FNDC3B: variants seen among roughly 807,000 people sequenced by gnomAD.
FNDC3B encodes fibronectin type III domain containing 3B.
A neutral mutation model predicts 151.5 loss-of-function variants in FNDC3B; 12 were observed. That is an observed-to-expected ratio of 0.08 (90% CI 0.05 to 0.13). The LOEUF is 0.13. FNDC3B is among the 10% of genes least tolerant of loss of function. The pLI is 1.00. For synonymous variants in FNDC3B, 528 were observed against 549.0 expected (o/e 0.96, Z 0.54); for missense variants, 1,214 against 1,505.3 (o/e 0.81, Z 3.20).
chr3:172,335,763 C>T (rs184965466), intron 15 of FNDC3B: 10 of 151,782 alleles, frequency 6.6e-5, no homozygotes, highest in Non-Finnish European at 1.0e-4. Context: ...AAGTGTTATG[C>T]GTATCATTTT....
Position 172,201,830 on chromosome 3 carries a change from A to AT in FNDC3B, c.188-25034dup, listed in dbSNP as rs556250828. On this transcript the variant is annotated intron_variant, in intron 3 of 25. Transcript: ENST00000415807. ...TAAAGTTGAATTTCAGATATACAGCATTTTTTTAGTGTAATTGTGTCCCAT... is the reference window on the plus strand; with the variant it reads ...TAAAGTTGAATTTCAGATATACAGCATTTTTTTTAGTGTAATTGTGTCCCAT... Among the ~76,000 whole-genome samples the AT allele has an allele frequency of 8.6e-4, 131 of 152,246 alleles. 1 individual carries two copies. The highest frequency in any genetic ancestry group is 1.7e-3 in the Non-Finnish European group (114 of 68,008).
intron 18 of FNDC3B, among the ~76,000 whole-genome samples, chr3:172,343,616 C>A (rs755332570): frequency 1.3e-5 from 2 of 152,178 alleles, no homozygotes; most frequent in African/African-American, 2.4e-5. Flanking sequence ...TTGTGTCCAG[C>A]AGTTTACAAC....
At chr3:172,317,387 T>C (rs1731855273) in intron 11 of FNDC3B, 1 of 280,490 alleles carries the variant, frequency 3.6e-6, no homozygotes, top group African/African-American at 2.3e-5. Context: ...GGTTTCACCA[T>C]GTTAGCCAGC....
intron 1 of FNDC3B, among the ~76,000 whole-genome samples, chr3:172,066,247 T>G (rs1020868161): frequency 6.6e-6 from 1 of 152,158 alleles, no homozygotes; most frequent in Non-Finnish European, 1.5e-5. Context: ...GAGGTGGGCC[T>G]GGGGAGATGA....
intron 6 of FNDC3B, among the ~76,000 whole-genome samples, chr3:172,259,527 G>A (rs1728534216): frequency 2.0e-5 from 3 of 152,148 alleles, no homozygotes; most frequent in Admixed American, 6.5e-5. Context: ...TTTCTGACTT[G>A]GGCCTTATCC....
chr3:172,199,517 A>T (rs1725030146), intron 3 of FNDC3B, among the ~76,000 whole-genome samples: 1 of 152,214 alleles, frequency 6.6e-6, no homozygotes, highest in Non-Finnish European at 1.5e-5. Context: ...GAACTTACCA[A>T]GGAAAATGTT....
At chr3:172,109,617 T>C (rs913656892) in intron 1 of FNDC3B, among the ~76,000 whole-genome samples, 4 of 152,208 alleles carry the variant, frequency 2.6e-5, no homozygotes, top group African/African-American at 9.6e-5. Context: ...TGTTGGGTGG[T>C]TGAATTGAAA....
rs1180220751 is a variant in FNDC3B at position 172,040,230 on chromosome 3, G to T, written c.-29+459G>T. Among the ~76,000 whole-genome samples, 1 of 152,038 alleles carries T rather than the reference G, an allele frequency of 6.6e-6. No individual in the cohort carries two copies. Among genetic ancestry groups the T allele is most frequent in the Non-Finnish European group, 1.5e-5 (1 of 67,970 alleles). On this transcript the variant is annotated intron_variant, in intron 1 of 25. Transcript: ENST00000415807. This position sits in a 1 kb window ranked among gnomAD's most constrained non-coding sequence, Gnocchi z 6.6. ...GCGGCGAGGCCGAGGAATCTTCGAC[G>T]TGTCACTTTCTGAGGCTGTAGATTT...
At chr3:172,075,505 T>C (rs554695683) in intron 1 of FNDC3B, among the ~76,000 whole-genome samples, 10 of 152,286 alleles carry the variant, frequency 6.6e-5, no homozygotes, top group South Asian at 2.1e-4. Context: ...AAAATGGGAA[T>C]TAACCGATTC....
intron 1 of FNDC3B, among the ~76,000 whole-genome samples, chr3:172,087,957 T>C (rs535266880): frequency 6.6e-5 from 10 of 152,316 alleles, no homozygotes; most frequent in East Asian, 1.9e-4. Flanking sequence ...GAGAATGTAG[T>C]ATATACCACT....
intron 6 of FNDC3B, among the ~76,000 whole-genome samples, chr3:172,261,370 G>A (rs1033378957): frequency 3.3e-5 from 5 of 152,202 alleles, no homozygotes; most frequent in African/African-American, 4.8e-5. Context: ...CTGTGGAATG[G>A]AGCTCTAGGA....
intron 1 of FNDC3B, among the ~76,000 whole-genome samples, chr3:172,083,243 T>C (rs1309392247): frequency 6.6e-6 from 1 of 152,204 alleles, no homozygotes; most frequent in Non-Finnish European, 1.5e-5. Context: ...TACCAAATAG[T>C]GTAAACTCTT....
At chr3:172,355,248 C>T (rs192348695) in intron 22 of FNDC3B, among the ~76,000 whole-genome samples, 86 of 152,262 alleles carry the variant, frequency 5.6e-4, no homozygotes, top group East Asian at 3.9e-4. Flanking sequence ...AGAGGGTAAT[C>T]GGATCACCTG....
chr3:172,349,226 C>T (rs1245576725), intron 21 of FNDC3B, among the ~76,000 whole-genome samples: 1 of 152,072 alleles, frequency 6.6e-6, no homozygotes, highest in Non-Finnish European at 1.5e-5. Context: ...GCTGTAGTGA[C>T]CTGTGACTGC....
chr3:172,218,517 GA>G (rs1576808087), intron 3 of FNDC3B, among the ~76,000 whole-genome samples: 1 of 152,276 alleles, frequency 6.6e-6, no homozygotes, highest in East Asian at 1.9e-4. Context: ...TGTGGTGAAT[GA>G]TAACACTGTG....
At chr3:172,288,674 T>C (rs1211237390) in intron 7 of FNDC3B, among the ~76,000 whole-genome samples, 1 of 152,206 alleles carries the variant, frequency 6.6e-6, no homozygotes, top group Non-Finnish European at 1.5e-5. Context: ...TCATGAAAGA[T>C]CTGTAGATCC....
At chr3:172,179,903 T>C (rs1723802166) in intron 3 of FNDC3B, among the ~76,000 whole-genome samples, 1 of 150,488 alleles carries the variant, frequency 6.6e-6, no homozygotes, top group African/African-American at 2.4e-5. Context: ...AACAGGTAAT[T>C]TTACTGGGCC....
intron 6 of FNDC3B, among the ~76,000 whole-genome samples, chr3:172,278,927 A>AAAAAC (rs1729566651): frequency 6.6e-6 from 1 of 152,182 alleles, no homozygotes; most frequent in Non-Finnish European, 1.5e-5. Flanking sequence ...ACTCTGTCTC[A>AAAAAC]AAAACAAAAC....
At chr3:172,132,207 GA>G (rs1463654536) in intron 2 of FNDC3B, among the ~76,000 whole-genome samples, 1 of 152,160 alleles carries the variant, frequency 6.6e-6, no homozygotes, top group Non-Finnish European at 1.5e-5. Context: ...GGTAAGCTAA[GA>G]TGAAGGAGTA....
Sources: gnomAD v4.1 joint callset for allele counts (sites outside exome capture counted in the v4.1 genomes callset) on GRCh38, gnomAD v4.1.1 for gene constraint, Gnocchi (gnomAD v3.1) non-coding constraint, MANE v1.5 for transcripts, NCBI Gene and HGNC (gene_info 2026-07-23, HGNC 2026-07-21) for gene names.